The following MSH3 variants were observed in gnomAD, a reference collection of about 807,000 sequenced individuals.
MSH3 encodes mutS homolog 3, also known as DNA mismatch repair protein Msh3.
A neutral mutation model predicts 123.3 loss-of-function variants in MSH3; 106 were observed. The ratio of observed to expected loss-of-function variants is 0.86; its 90% CI spans 0.73 to 1.01. The LOEUF is 1.01. MSH3 is among the 50% of genes least tolerant of loss of function. MSH3 has a pLI of 0.00. For missense variants in MSH3, 1,459 were observed against 1,347.6 expected (o/e 1.08, Z -1.29); for synonymous variants, 515 against 481.4 (o/e 1.07, Z -0.91).
At chr5:80,740,397 A>C (rs1241808832) in intron 10 of MSH3, among the ~76,000 whole-genome samples, 1 of 145,698 alleles carries the variant, frequency 6.9e-6, no homozygotes, top group Non-Finnish European at 1.5e-5. Context: ...ACACTCTGTC[A>C]CCCGGGCTGG....
chr5:80,664,913 C>T (rs1170939395), intron 2 of MSH3, among the ~76,000 whole-genome samples: 1 of 151,996 alleles, frequency 6.6e-6, no homozygotes, highest in African/African-American at 2.4e-5. Flanking sequence ...GAAAAAAAAC[C>T]TCTACTATAG....
Position 80,870,776 on chromosome 5 carries a change from TTAA to T in MSH3, c.3131-2339_3131-2337del, listed in dbSNP as rs201611657. ...TCTGTCATGTTCAGTCTTTGGCTTTTTAAATTTTCACTGATAAAAGAAGAAAAG... is the reference window on the plus strand; with the variant it reads ...TCTGTCATGTTCAGTCTTTGGCTTTTATTTTCACTGATAAAAGAAGAAAAG... On this transcript the variant is annotated intron_variant, in intron 22 of 23. Coordinates refer to ENST00000265081, the MANE Select transcript of MSH3 (RefSeq NM_002439.5). 6.9e-3 allele frequency among the ~76,000 whole-genome samples: 1,054 copies of T among 152,330 alleles called. 13 individuals carry two copies. Among genetic ancestry groups the T allele is most frequent in the African/African-American group, 0.024 (1,002 of 41,572 alleles).
intron 8 of MSH3, among the ~76,000 whole-genome samples, chr5:80,686,826 T>G (rs1337478177): frequency 6.6e-6 from 1 of 152,216 alleles, no homozygotes; most frequent in Non-Finnish European, 1.5e-5. Flanking sequence ...TGTCAGTTAC[T>G]GGTTAATAAT....
rs1580091571 is a variant in MSH3, at chr5:80,854,235, C to T, written c.2919C>T (p.Ile973=). Residue 973 remains isoleucine (I), a synonymous_variant, in exon 21 of 24, where the codon ATC becomes ATT. Transcript: ENST00000265081. The stretch of plus-strand genomic sequence containing the variant: ...AAGCAACATCACAGTCCTTGGTTAT[C>T]TTGGATGAACTAGGAAGAGGGACGA... ...IRKATSQSLV[I]LDELGRGTST... 2 of 1,613,854 alleles carry T rather than the reference C, an allele frequency of 1.2e-6. No individual in the cohort carries two copies. The highest frequency in any genetic ancestry group is 1.7e-4 in the Middle Eastern group (1 of 6,058).
rs1743613781 is a variant in MSH3 at position 80,741,520 on chromosome 5, T to C, written c.1625T>C (p.Leu542Ser). 6.2e-7 allele frequency: 1 copy of C among 1,609,154 alleles called. No individual in the cohort carries two copies. Among genetic ancestry groups the C allele is most frequent in the Non-Finnish European group, 8.5e-7 (1 of 1,175,608 alleles). The change falls in exon 11 of 24, where the codon TTA becomes TCA. Residue 542 changes from leucine to serine, a missense_variant. Coordinates refer to ENST00000265081, the MANE Select transcript of MSH3 (RefSeq NM_002439.5). Reference protein sequence around the residue: ...MEFMTINGTTLRNLEILQNQT... With the variant: ...MEFMTINGTTSRNLEILQNQT... ...TTTATGACAATTAATGGAACAACAT[T>C]AAGGAATCTGGAAATCCTACAGAAT... is the stretch of plus-strand genomic sequence containing the variant.
intron 20 of MSH3, among the ~76,000 whole-genome samples, chr5:80,831,665 A>G (rs915281512): frequency 4.6e-5 from 7 of 150,708 alleles, no homozygotes; most frequent in Non-Finnish European, 1.0e-4. Context: ...GAGATTAGCT[A>G]TCTTTTGTAA....
chr5:80,727,395 C>T (rs1463708941), intron 9 of MSH3, among the ~76,000 whole-genome samples: 1 of 152,156 alleles, frequency 6.6e-6, no homozygotes, highest in Non-Finnish European at 1.5e-5. Context: ...TTGTAGAGAA[C>T]ATCTTGTAAT....
At chr5:80,742,638 T>C (rs1037143369) in intron 11 of MSH3, among the ~76,000 whole-genome samples, 2 of 152,236 alleles carry the variant, frequency 1.3e-5, no homozygotes, top group Non-Finnish European at 2.9e-5. Flanking sequence ...TCTCTCAGTT[T>C]CTTCCTGTTC....
At chr5:80,721,616 G>A (rs1751078829) in intron 8 of MSH3, among the ~76,000 whole-genome samples, 1 of 152,090 alleles carries the variant, frequency 6.6e-6, no homozygotes, top group Admixed American at 6.6e-5. Context: ...CCACCTGCTT[G>A]CATTTTGGGG....
Position 80,873,302 on chromosome 5 carries a change from G to C in MSH3, c.3302+15G>C, listed in dbSNP as rs2112129041. 2 of 1,613,338 alleles carry C rather than the reference G, an allele frequency of 1.2e-6. No homozygotes were observed. The highest frequency in any genetic ancestry group is 1.7e-6 in the Non-Finnish European group (2 of 1,179,620). ...AATACGAAAAGGTCAGAGTGATTAT[G>C]CTGCATTTTTTCATTTGTAATGAAA... On this transcript the variant is annotated intron_variant, in intron 23 of 23. Transcript: ENST00000265081.
intron 22 of MSH3, among the ~76,000 whole-genome samples, chr5:80,870,613 A>G (rs557927632): frequency 6.6e-6 from 1 of 152,282 alleles, no homozygotes; most frequent in South Asian, 2.1e-4. Context: ...GTGCCTTGCA[A>G]CGGAAGTTTA....
At chr5:80,691,192 A>G (rs1750236656) in intron 8 of MSH3, among the ~76,000 whole-genome samples, 1 of 152,078 alleles carries the variant, frequency 6.6e-6, no homozygotes, top group South Asian at 2.1e-4. Flanking sequence ...GATATTGCCT[A>G]CATAGAAAAT....
intron 10 of MSH3, among the ~76,000 whole-genome samples, chr5:80,731,527 TATATAGTATTA>T (rs1442406311): frequency 6.6e-6 from 1 of 151,422 alleles, no homozygotes; most frequent in Non-Finnish European, 1.5e-5. Flanking sequence ...TATATTATTA[TATATAGTATTA>T]ATATAGGATT....
intron 21 of MSH3, among the ~76,000 whole-genome samples, chr5:80,858,982 A>T (rs1038274016): frequency 6.6e-6 from 1 of 152,040 alleles, no homozygotes; most frequent in African/African-American, 2.4e-5. Flanking sequence ...TCATTATATA[A>T]TATCCTTCTT....
At position 80,783,696 on chromosome 5, in the gene MSH3, G is replaced by T. The variant is rs527754119; in HGVS notation, c.2436-3869G>T. ...AGCAAATTAGAGTCTTGAGGACCTG[G>T]GCAGGACCTGAGAAGGAAGGAAAGA... On this transcript the variant is annotated intron_variant, in intron 17 of 23. Transcript: ENST00000265081. 4.7e-4 allele frequency among the ~76,000 whole-genome samples: 72 copies of T among 152,172 alleles called. 1 individual carries two copies. Among genetic ancestry groups the T allele is most frequent in the Admixed American group, 4.7e-3 (71 of 15,268 alleles).
intron 8 of MSH3, among the ~76,000 whole-genome samples, chr5:80,719,866 A>T (rs890492951): frequency 2.6e-5 from 4 of 152,180 alleles, no homozygotes; most frequent in African/African-American, 9.7e-5. Flanking sequence ...TTGTTCTTAC[A>T]CCTTAGTGTG....
chr5:80,699,297 A>G (rs836815), intron 8 of MSH3, among the ~76,000 whole-genome samples: 108,601 of 152,024 alleles, frequency 0.71, 38,846 homozygotes, highest in African/African-American at 0.77. Context: ...GGTGGCTCAT[A>G]CCTGTAATCC....
Position 80,746,207 on chromosome 5 carries a change from C to T in MSH3, c.1763+1592C>T, listed in dbSNP as rs533721561. ...ATTCACACCACACATTCACTGAGGA[C>T]AATATTCTGCTCATACGATTGATTT... is the stretch of plus-strand genomic sequence containing the variant. On this transcript the variant is annotated intron_variant, in intron 12 of 23. Coordinates refer to ENST00000265081, the MANE Select transcript of MSH3 (RefSeq NM_002439.5). The T allele has an allele frequency of 1.3e-5, 3 of 227,558 alleles. No homozygotes were observed. The Admixed American group carries it at 1.7e-4, about 13-fold the overall frequency. The allele number at this position is 227,558 out of a possible 1,614,324, so 14.1% of individuals were successfully genotyped here. A position where few individuals can be genotyped will look rare whatever the true frequency, so the allele number is the denominator to read the frequency against.
chr5:80,795,027 A>G (rs1744673214), intron 19 of MSH3, among the ~76,000 whole-genome samples: 1 of 152,046 alleles, frequency 6.6e-6, no homozygotes, highest in African/African-American at 2.4e-5. Context: ...AAACAGAAGT[A>G]CTAAGGAACT....
Sources: allele counts gnomAD v4.1 joint callset (sites outside exome capture counted in the v4.1 genomes callset), GRCh38; gene constraint gnomAD v4.1.1; transcripts MANE v1.5; gene names NCBI Gene and HGNC (gene_info 2026-07-23, HGNC 2026-07-21).